Variants in SMARCC2 observed in about 807,000 individuals in gnomAD.
The protein encoded by SMARCC2 is SWI/SNF complex subunit SMARCC2.
SMARCC2 carries 15 observed loss-of-function variants against 151.3 expected under a neutral mutation model. The observed-to-expected ratio is 0.10, with a 90% CI of 0.07 to 0.15. The LOEUF is 0.15. Ranked by LOEUF, SMARCC2 falls within the 10% of genes least tolerant of loss-of-function variation. SMARCC2 has a pLI of 1.00. For missense variants in SMARCC2, 1,031 were observed against 1,599.7 expected, an observed-to-expected ratio of 0.64 and a Z score of 6.06; for synonymous variants, 590 against 609.5, an observed-to-expected ratio of 0.97 and a Z score of 0.47.
At position 56,187,078 on chromosome 12, in the gene SMARCC2, C is replaced by T. The variant is rs564501957; in HGVS notation, c.231+109G>A. Reference sequence around the variant, plus strand: ...GGGATAGGGATGGTGGAAAATAACCCAAATTTCAAAAATTACAAAATTCAC... The same window carrying T: ...GGGATAGGGATGGTGGAAAATAACCTAAATTTCAAAAATTACAAAATTCAC... On this transcript the variant is annotated intron_variant, in intron 2 of 28. Coordinates refer to ENST00000550164, the MANE Select transcript of SMARCC2 (RefSeq NM_001330288.2). 10 of 1,243,668 alleles carry T rather than the reference C, an allele frequency of 8.0e-6. No individual in the cohort carries two copies. The South Asian group carries it at 1.3e-4, about 17-fold the overall frequency. The allele number at this position is 1,243,668 out of a possible 1,614,324, so 77.0% of individuals were successfully genotyped here.
rs746042518 is a variant in SMARCC2, at chr12:56,169,800, C to G, written c.2524G>C (p.Glu842Gln). Reference protein sequence around the residue: ...GKEGDSEKESEKSDGDPIVDP... With the variant: ...GKEGDSEKESQKSDGDPIVDP... The stretch of plus-strand genomic sequence containing the variant: ...CCTATTGGGTCTCCATCACTCTTCT[C>G]GGACTCCTTCTCACTGTCGCCTTCT... Residue 842 changes from glutamate (E) to glutamine (Q), a missense_variant, in exon 24 of 29, where the codon GAG (glutamate) becomes CAG (glutamine). Physicochemically the swap from Glu to Gln is conservative, Grantham distance 29. Coordinates refer to ENST00000550164, the MANE Select transcript of SMARCC2 (RefSeq NM_001330288.2). The G allele has an allele frequency of 6.2e-7, 1 of 1,614,152 alleles. No individual in the cohort carries two copies. The highest frequency in any genetic ancestry group is 8.5e-7 in the Non-Finnish European group (1 of 1,180,030).
At position 56,171,896 on chromosome 12, in the gene SMARCC2, C is replaced by T; in HGVS notation, c.1968G>A (p.Glu656=). 6.2e-7 allele frequency: 1 copy of T among 1,613,376 alleles called. No homozygotes were observed. The highest frequency in any genetic ancestry group is 8.5e-7 in the Non-Finnish European group (1 of 1,179,592). ...CGTCCTGTGTGCGGCTTCCCACATGCTCGGACACTTTGTTCCAGTCATCTT... is the reference window on the plus strand; with the variant it reads ...CGTCCTGTGTGCGGCTTCCCACATGTTCGGACACTTTGTTCCAGTCATCTT... ...MYKDDWNKVS[E]HVGSRTQDEC... is the part of the protein sequence containing the mutation. Residue 656 remains glutamate (E), a synonymous_variant, in exon 21 of 29, where the codon GAG becomes GAA. Coordinates refer to ENST00000550164, the MANE Select transcript of SMARCC2 (RefSeq NM_001330288.2). This position sits in a 1 kb window ranked among gnomAD's most constrained non-coding sequence, Gnocchi z 4.2.
rs1206884190 is a variant in SMARCC2 at position 56,178,096 on chromosome 12, G to A, written c.1311-3C>T. On this transcript the variant is annotated splice_region_variant and splice_polypyrimidine_tract_variant and intron_variant, in intron 14 of 28. Coordinates refer to ENST00000550164, the MANE Select transcript of SMARCC2 (RefSeq NM_001330288.2). ...CCCTCCGCTCAATGGCATGAACACT[G>A]CAAGAAAAGCCAGAATGGTTTCAGA... 6.2e-7 allele frequency: 1 copy of A among 1,610,594 alleles called. No homozygotes were observed. Among genetic ancestry groups the A allele is most frequent in the Non-Finnish European group, 8.5e-7 (1 of 1,177,888 alleles).
intron 1 of SMARCC2, among the ~76,000 whole-genome samples, chr12:56,188,933 C>A (rs994451643): frequency 6.6e-5 from 10 of 152,184 alleles, no homozygotes; most frequent in African/African-American, 2.4e-4. Context: ...ACCGGAGAGG[C>A]CTCAGCCCCG....
intron 25 of SMARCC2, among the ~76,000 whole-genome samples, 194 bp from the exon 26 acceptor site, chr12:56,168,388 T>C (rs147510015): frequency 6.6e-6 from 1 of 151,446 alleles, no homozygotes; most frequent in Admixed American, 6.5e-5. Context: ...TTTCTTTTTT[T>C]TTTTTTGGGA....
At chr12:56,169,740 G>A (rs1873548445) in intron 24 of SMARCC2, 36 bp downstream of exon 24, 4 of 1,613,842 alleles carry the variant, frequency 2.5e-6, no homozygotes, top group Non-Finnish European at 3.4e-6. Context: ...CTTCACCTCT[G>A]TCCTGCACCC....
chr12:56,165,184 TA>T, intron 27 of SMARCC2, 133 bp downstream of exon 27: 1 of 1,167,056 alleles, frequency 8.6e-7, no homozygotes, highest in Non-Finnish European at 1.1e-6. Flanking sequence ...TTTAGGGGCC[TA>T]AGAGAGATGG....
intron 5 of SMARCC2, 130 bp downstream of exon 5, chr12:56,184,714 G>A (rs1459897765): frequency 1.6e-6 from 1 of 634,752 alleles, no homozygotes; most frequent in Non-Finnish European, 2.8e-6. Flanking sequence ...TTTAACTCAA[G>A]TCTTTTTCCA....
In SMARCC2 at chr12:56,163,732, G is replaced by A. The variant is rs752155790; in HGVS notation, c.3695C>T (p.Ala1232Val). The A allele has an allele frequency of 2.0e-6, 3 of 1,513,480 alleles. No individual in the cohort carries two copies. The highest frequency in any genetic ancestry group is 2.6e-6 in the Non-Finnish European group (3 of 1,141,544). 93.8% of individuals were successfully genotyped at this position (1,513,480 alleles called of 1,614,324 possible). A position where few individuals can be genotyped will look rare whatever the true frequency, so the allele number is the denominator to read the frequency against. The change falls in exon 29 of 29, where the codon GCC becomes GTC. Residue 1232 changes from alanine to valine, a missense_variant. Physicochemically the swap from Ala to Val is moderately conservative, Grantham distance 64. Around this residue, in one of 12 missense-constraint regions of SMARCC2, gnomAD observed 310 missense variants for 350.0 expected, o/e 0.89. Coordinates refer to ENST00000550164, the MANE Select transcript of SMARCC2 (RefSeq NM_001330288.2). Reference protein sequence around the residue: ...PGTPLPPDPTAPSPGTVTPVP... With the variant: ...PGTPLPPDPTVPSPGTVTPVP... ...AGGGGTGACCGTGCCTGGGCTCGGGGCTGTGGGGTCTGGAGGCAGGGGGGT... is the reference window on the plus strand; with the variant it reads ...AGGGGTGACCGTGCCTGGGCTCGGGACTGTGGGGTCTGGAGGCAGGGGGGT...
chr12:56,185,482 C>T (rs1877070484), intron 3 of SMARCC2: 9 of 175,078 alleles, frequency 5.1e-5, no homozygotes, highest in East Asian at 1.6e-4. Flanking sequence ...CACACCCGGC[C>T]TTTTTTTTTT....
intron 13 of SMARCC2, 84 bp downstream of exon 13, chr12:56,178,726 C>T: frequency 6.7e-7 from 1 of 1,499,032 alleles, no homozygotes; most frequent in Admixed American, 1.7e-5. Context: ...AAAGTCTGGG[C>T]AGTGAAAAGT....
intron 26 of SMARCC2, among the ~76,000 whole-genome samples, chr12:56,166,610 G>C (rs531570612): frequency 7.0e-6 from 1 of 142,912 alleles, no homozygotes; most frequent in Non-Finnish European, 1.5e-5. Context: ...TTTTTTTTGA[G>C]ATAGGGTCTC....
Position 56,172,958 on chromosome 12 carries a change from C to A in SMARCC2, c.1722G>T (p.Thr574=), listed in dbSNP as rs771282178. ...CTACCAGCTCTGGCTTGCCCTTAGC[C>A]GTCTCTGGCACCAGGTCATCCAGCT... ...GKELDDLVPE[T]AKGKPELQTS... Residue 574 remains threonine (T), a synonymous_variant, in exon 18 of 29, where the codon ACG becomes ACT. Coordinates refer to ENST00000550164, the MANE Select transcript of SMARCC2 (RefSeq NM_001330288.2). The A allele has an allele frequency of 5.6e-6, 9 of 1,613,858 alleles. No individual in the cohort carries two copies. Among genetic ancestry groups the A allele is most frequent in the Non-Finnish European group, 7.6e-6 (9 of 1,180,030 alleles).
intron 26 of SMARCC2, 145 bp downstream of exon 26, chr12:56,167,915 G>T: frequency 1.2e-6 from 1 of 849,366 alleles, no homozygotes; most frequent in Non-Finnish European, 1.7e-6. Flanking sequence ...CACACACTCA[G>T]GCTTTCCCCA....
chr12:56,166,266 C>T (rs993966582), intron 26 of SMARCC2, among the ~76,000 whole-genome samples: 4 of 151,950 alleles, frequency 2.6e-5, no homozygotes, highest in Admixed American at 6.6e-5. Context: ...CTCAGCCTCC[C>T]GAGTAGCTGG....
chr12:56,185,484 T>G (rs552664120), intron 3 of SMARCC2: 1 of 215,982 alleles, frequency 4.6e-6, no homozygotes, highest in African/African-American at 2.4e-5. Flanking sequence ...CACCCGGCCT[T>G]TTTTTTTTTC....
Position 56,165,375 on chromosome 12 carries a change from C to A in SMARCC2, c.3175G>T (p.Ala1059Ser). 6.6e-7 allele frequency: 1 copy of A among 1,505,204 alleles called. No homozygotes were observed. The highest frequency in any genetic ancestry group is 8.9e-7 in the Non-Finnish European group (1 of 1,129,820). 93.2% of individuals were successfully genotyped at this position (1,505,204 alleles called of 1,614,324 possible). ...STAGPQQQQP[A>S]GAPQPGAVPP... ...ACTGCCCCAGGCTGGGGGGCTCCAGCTGGTTGCTGCTGCTGTGGCCCTGCA... is the reference window on the plus strand; with the variant it reads ...ACTGCCCCAGGCTGGGGGGCTCCAGATGGTTGCTGCTGCTGTGGCCCTGCA... Residue 1059 changes from alanine (A) to serine (S), a missense_variant, in exon 27 of 29, where the codon GCT (alanine) becomes TCT (serine). Physicochemically the swap from Ala to Ser is moderately conservative, Grantham distance 99 (BLOSUM62 1). Around this residue, in one of 12 missense-constraint regions of SMARCC2, gnomAD observed 310 missense variants for 350.0 expected, o/e 0.89. Coordinates refer to ENST00000550164, the MANE Select transcript of SMARCC2 (RefSeq NM_001330288.2).
chr12:56,186,285 A>C lies in SMARCC2; in HGVS notation c.232-45T>G, dbSNP rs183018314. On this transcript the variant is annotated intron_variant, in intron 2 of 28. Coordinates refer to ENST00000550164, the MANE Select transcript of SMARCC2 (RefSeq NM_001330288.2). The stretch of plus-strand genomic sequence containing the variant: ...AAAAAGCATGTCAAGGTTCCACTGT[A>C]AATTCTCTCATCACTTAATAATCTA... 100 of 1,140,184 alleles carry C rather than the reference A, an allele frequency of 8.8e-5. No individual in the cohort carries two copies. In the African/African-American group the frequency reaches 1.4e-3, roughly 16 times the overall value. 70.6% of individuals were successfully genotyped at this position (1,140,184 alleles called of 1,614,324 possible).
intron 15 of SMARCC2, among the ~76,000 whole-genome samples, chr12:56,177,406 A>AGCT (rs1286848527): frequency 1.3e-4 from 20 of 152,096 alleles, no homozygotes; most frequent in African/African-American, 4.8e-4. Context: ...CACCAGGCCC[A>AGCT]GCTAATTTTT....
Sources: gnomAD v4.1 joint callset for allele counts (sites outside exome capture counted in the v4.1 genomes callset) on GRCh38, gnomAD v4.1.1 for gene constraint, gnomAD v4.1.1 regional missense constraint, Gnocchi (gnomAD v3.1) non-coding constraint, MANE v1.5 for transcripts, NCBI Gene and HGNC (gene_info 2026-07-23, HGNC 2026-07-21) for gene names.